Variants in IGFL2 observed in about 807,000 individuals in gnomAD.
IGFL2 encodes IGF like family member 2, also known as insulin growth factor-like family member 2.
Under a neutral mutation model 13.9 loss-of-function variants are expected in IGFL2, and 7 were observed. The ratio of observed to expected loss-of-function variants is 0.51; its 90% CI spans 0.29 to 0.95. The LOEUF (loss-of-function observed/expected upper bound fraction) is 0.95. IGFL2 is among the 40% of genes least tolerant of loss of function. IGFL2 has a pLI of 0.08. For synonymous variants in IGFL2, 55 were observed against 55.8 expected (o/e 0.99, Z 0.07); for missense variants, 138 against 147.8 (o/e 0.93, Z 0.34).
chr19:46,120,181 C>G, the IGFL2 span: 1 of 1,142,006 alleles, frequency 8.8e-7, no homozygotes, highest in Non-Finnish European at 1.2e-6. Context: ...TCTGGCCATC[C>G]CCAGCTGGGC....
chr19:46,175,945 C>T, the IGFL2 span, among the ~76,000 whole-genome samples: 11 of 148,210 alleles, frequency 7.4e-5, no homozygotes, highest in African/African-American at 2.3e-4. Context: ...CTGGTTCAAG[C>T]GATTGTCCTG....
chr19:46,116,992 T>G, the IGFL2 span, among the ~76,000 whole-genome samples: 1 of 152,168 alleles, frequency 6.6e-6, no homozygotes, highest in Non-Finnish European at 1.5e-5. Flanking sequence ...AGTAAAAATT[T>G]TATATACTGG....
the IGFL2 span, chr19:46,209,478 C>T: frequency 6.6e-6 from 1 of 152,198 alleles, no homozygotes; most frequent in Non-Finnish European, 1.5e-5. Flanking sequence ...AGGCTGTCAA[C>T]AGCATCAGCA....
At chr19:46,136,257 C>T in the IGFL2 span, among the ~76,000 whole-genome samples, 1 of 151,770 alleles carries the variant, frequency 6.6e-6, no homozygotes, top group Non-Finnish European at 1.5e-5. Flanking sequence ...TTATATAGTC[C>T]CAGATTTCTT....
At chr19:46,112,971 A>G in the IGFL2 span, 7 of 152,384 alleles carry the variant, frequency 4.6e-5, no homozygotes, top group African/African-American at 1.4e-4. Context: ...ATTGAAATAC[A>G]AATGGAATTT....
chr19:46,161,313 C>A, downstream of IGFL2: 1 of 387,762 alleles, frequency 2.6e-6, no homozygotes, highest in East Asian at 3.9e-5. Context: ...AATGTCGTCT[C>A]CTTTCTTTTT....
the IGFL2 span, among the ~76,000 whole-genome samples, chr19:46,117,637 C>CCTGG: frequency 6.6e-6 from 1 of 152,052 alleles, no homozygotes; most frequent in Non-Finnish European, 1.5e-5. Context: ...TGCCATCAAG[C>CCTGG]CTGGCTAATT....
the IGFL2 span, among the ~76,000 whole-genome samples, chr19:46,169,076 ATGTACCTGT>A: frequency 6.6e-6 from 1 of 152,108 alleles, no homozygotes; most frequent in African/African-American, 2.4e-5. Context: ...GTCTGGTGGC[ATGTACCTGT>A]AGTCCTAGCT....
the IGFL2 span, among the ~76,000 whole-genome samples, chr19:46,173,154 C>T: frequency 2.6e-5 from 4 of 152,196 alleles, no homozygotes; most frequent in Non-Finnish European, 2.9e-5. Context: ...TTGAAAATGT[C>T]TACAGATGCT....
chr19:46,126,823 C>G, the IGFL2 span, among the ~76,000 whole-genome samples: 3 of 152,090 alleles, frequency 2.0e-5, no homozygotes, highest in Non-Finnish European at 4.4e-5. Flanking sequence ...AGACTTAGTT[C>G]GTCCCTGTAC....
chr19:46,140,383 A>G (rs1425516747), upstream of IGFL2, among the ~76,000 whole-genome samples: 1 of 152,136 alleles, frequency 6.6e-6, no homozygotes, highest in Non-Finnish European at 1.5e-5. Flanking sequence ...ACGTTATTAA[A>G]AGTAGGTTTT....
At chr19:46,105,848 G>A in the IGFL2 span, among the ~76,000 whole-genome samples, 2 of 152,174 alleles carry the variant, frequency 1.3e-5, no homozygotes, top group African/African-American at 4.8e-5. Flanking sequence ...TGCAGTCCCA[G>A]CTCTTGTGTA....
the IGFL2 span, among the ~76,000 whole-genome samples, chr19:46,088,332 C>T: frequency 1.3e-5 from 2 of 152,136 alleles, no homozygotes; most frequent in East Asian, 3.8e-4. Context: ...GATCCATTTA[C>T]ATTGTTTATT....
At chr19:46,085,696 T>G in the IGFL2 span, among the ~76,000 whole-genome samples, 1 of 152,222 alleles carries the variant, frequency 6.6e-6, no homozygotes, top group Non-Finnish European at 1.5e-5. Flanking sequence ...TAGACCTGAT[T>G]GTATAGTTGC....
At chr19:46,139,675 AAAAT>A (rs1316528492), upstream of IGFL2, among the ~76,000 whole-genome samples, 1 of 152,174 alleles carries the variant, frequency 6.6e-6, no homozygotes, top group Non-Finnish European at 1.5e-5. Context: ...AAAAGTAACT[AAAAT>A]AAAAGTGGAA....
At chr19:46,165,478 T>C (rs1974355864), downstream of IGFL2, among the ~76,000 whole-genome samples, 1 of 152,224 alleles carries the variant, frequency 6.6e-6, no homozygotes, top group African/African-American at 2.4e-5. Context: ...ACACAGAGTG[T>C]GGCCAAATAG....
chr19:46,120,017 A>G, the IGFL2 span: 5 of 403,176 alleles, frequency 1.2e-5, no homozygotes, highest in South Asian at 1.3e-4. Context: ...AGCCCTCTGT[A>G]TCCTGAGCTC....
At chr19:46,155,373 A>G (rs1973763729) in intron 1 of IGFL2, among the ~76,000 whole-genome samples, 1 of 152,118 alleles carries the variant, frequency 6.6e-6, no homozygotes, top group Non-Finnish European at 1.5e-5. Context: ...CTTCAATTAC[A>G]CAGAGTTGGC....
At chr19:46,115,854 C>A in the IGFL2 span, among the ~76,000 whole-genome samples, 1 of 152,136 alleles carries the variant, frequency 6.6e-6, no homozygotes, top group East Asian at 1.9e-4. Context: ...ACCACTCCAG[C>A]CCCTCATTGC....
Sources: allele counts gnomAD v4.1 joint callset (sites outside exome capture counted in the v4.1 genomes callset), GRCh38; gene constraint gnomAD v4.1.1; transcripts MANE v1.5; gene names NCBI Gene and HGNC (gene_info 2026-07-23, HGNC 2026-07-21).